XCR1: variants seen among roughly 807,000 people sequenced by gnomAD.
The protein encoded by XCR1 is X-C motif chemokine receptor 1.
For missense variants in XCR1, 356 were observed against 424.2 expected (o/e 0.84, Z 1.41); for synonymous variants, 187 against 188.5 (o/e 0.99, Z 0.06).
At position 46,020,102 on chromosome 3, in the gene XCR1, C is replaced by G. The variant is rs916596907; in HGVS notation, c.*844G>C. 6.6e-6 allele frequency: 1 copy of G among 152,208 alleles called. No homozygotes were observed. Among genetic ancestry groups the G allele is most frequent in the Non-Finnish European group, 1.5e-5 (1 of 68,040 alleles). The allele number at this position is 152,208 out of a possible 1,614,324, so 9.4% of individuals were successfully genotyped here. On this transcript the variant is annotated 3_prime_UTR_variant, in exon 2 of 2. Coordinates refer to ENST00000309285, the MANE Select transcript of XCR1 (RefSeq NM_001024644.2). ...ATAAATGTGAAGTCAGCTCACTATC[C>G]ACCTGGGAAGGATGAGATGTCGGAG...
intron 1 of XCR1, 132 bp from the exon 2 acceptor site, chr3:46,022,110 G>A (rs1433505902): frequency 1.3e-6 from 1 of 763,776 alleles, no homozygotes; most frequent in South Asian, 2.1e-5. Flanking sequence ...GACCATCCCA[G>A]GCAATATAGT....
chr3:46,067,327 G>C (rs1698095739), intron 3 of XCR1, among the ~76,000 whole-genome samples: 1 of 152,218 alleles, frequency 6.6e-6, no homozygotes, highest in Admixed American at 6.5e-5. Flanking sequence ...CTGAATGCCA[G>C]ATCTAGGGGA....
intron 4 of XCR1, among the ~76,000 whole-genome samples, chr3:46,056,336 A>G (rs539134866): frequency 1.3e-5 from 2 of 152,230 alleles, no homozygotes; most frequent in Admixed American, 1.3e-4. Context: ...AGCCACTGCA[A>G]CCAGCCTCAA....
intron 2 of XCR1, among the ~76,000 whole-genome samples, chr3:46,075,518 C>T (rs1698243429): frequency 6.6e-6 from 1 of 151,834 alleles, no homozygotes; most frequent in African/African-American, 2.4e-5. Context: ...AAATATAATA[C>T]ATAAAAGAAA....
chr3:46,037,380 A>G (rs903003802), intron 5 of XCR1, among the ~76,000 whole-genome samples: 1 of 152,122 alleles, frequency 6.6e-6, no homozygotes, highest in Non-Finnish European at 1.5e-5. Flanking sequence ...TTTTGGTGAG[A>G]AAGGTTATAA....
intron 1 of XCR1, among the ~76,000 whole-genome samples, chr3:46,025,455 G>C (rs1055787386): frequency 1.3e-5 from 2 of 152,038 alleles, no homozygotes; most frequent in Admixed American, 1.3e-4. Context: ...AAAAATTGAT[G>C]AAGCCTTATC....
chr3:46,073,446 G>A (rs958072378), intron 3 of XCR1, among the ~76,000 whole-genome samples: 4 of 152,050 alleles, frequency 2.6e-5, no homozygotes, highest in African/African-American at 9.7e-5. Flanking sequence ...ATATTAGCTG[G>A]GCATGGTGGC....
chr3:46,053,582 A>G (rs7426702), intron 5 of XCR1, among the ~76,000 whole-genome samples: 13,650 of 152,096 alleles, frequency 0.09, 2,084 homozygotes, highest in African/African-American at 0.31. Flanking sequence ...TGGCAGAAGT[A>G]CAGTACGAAC....
At position 46,020,719 on chromosome 3, in the gene XCR1, G is replaced by GT. The variant is rs993255660; in HGVS notation, c.*226dup. 14 of 591,200 alleles carry GT rather than the reference G, an allele frequency of 2.4e-5. No homozygotes were observed. The highest frequency in any genetic ancestry group is 1.7e-4 in the African/African-American group (9 of 53,848). 36.6% of individuals were successfully genotyped at this position (591,200 alleles called of 1,614,324 possible). On this transcript the variant is annotated 3_prime_UTR_variant, in exon 2 of 2. Transcript: ENST00000309285. The stretch of plus-strand genomic sequence containing the variant: ...AAGATGAACTCAGAGTTCAAGAAAT[G>GT]TTTTTTTGGATGGCAGTATAAAATT...
intron 4 of XCR1, among the ~76,000 whole-genome samples, chr3:46,064,952 G>A (rs1258552693): frequency 6.6e-6 from 1 of 152,132 alleles, no homozygotes; most frequent in East Asian, 1.9e-4. Flanking sequence ...TTAGCCGGGT[G>A]TGGTGGCGCA....
chr3:46,070,113 A>G lies in XCR1; in HGVS notation c.-262-3135T>C, dbSNP rs542862613. ...ATAGTTTCCAGAGTTCTTGTTATTGATTTCTAGTTTTATTCCACTATGATC... is the reference window on the plus strand; with the variant it reads ...ATAGTTTCCAGAGTTCTTGTTATTGGTTTCTAGTTTTATTCCACTATGATC... On this transcript the variant is annotated intron_variant, in intron 3 of 5. Transcript: ENST00000683768. Among the ~76,000 whole-genome samples, 3 of 152,006 alleles carry G rather than the reference A, an allele frequency of 2.0e-5. No homozygotes were observed. The South Asian group carries it at 6.2e-4, about 32-fold the overall frequency.
chr3:46,079,053 G>A (rs73830726), intron 1 of XCR1, among the ~76,000 whole-genome samples: 1,936 of 152,270 alleles, frequency 0.013, 51 homozygotes, highest in African/African-American at 0.043. Context: ...ACACCTAGAG[G>A]AGCAGTGCTC....
chr3:46,028,389 G>T (rs1426016019), upstream of XCR1, among the ~76,000 whole-genome samples: 1 of 151,708 alleles, frequency 6.6e-6, no homozygotes, highest in Non-Finnish European at 1.5e-5. Flanking sequence ...CTTTGTAGAA[G>T]TGTCTATTCA....
intron 1 of XCR1, among the ~76,000 whole-genome samples, chr3:46,080,452 C>T (rs1391833825): frequency 1.3e-5 from 2 of 152,150 alleles, no homozygotes; most frequent in African/African-American, 4.8e-5. Flanking sequence ...ATCCCAGCTA[C>T]TTGGGAGGCT....
chr3:46,038,971 T>G (rs1697485967), intron 5 of XCR1, among the ~76,000 whole-genome samples: 1 of 151,828 alleles, frequency 6.6e-6, no homozygotes, highest in Non-Finnish European at 1.5e-5. Context: ...TTCACTTTGA[T>G]TAAGTGGTTA....
chr3:46,017,924 TG>T lies in XCR1; in HGVS notation c.*3021del. On this transcript the variant is annotated 3_prime_UTR_variant, in exon 2 of 2. Transcript: ENST00000309285. ...AGGAGGTGGTGGCCAGTGGAGGTTG[TG>T]GTCAGGGACAGACAGCGTGGCTCAT... The T allele has an allele frequency of 6.6e-6, 1 of 152,620 alleles. No individual in the cohort carries two copies. The allele number at this position is 152,620 out of a possible 1,614,324, so 9.5% of individuals were successfully genotyped here. A position where few individuals can be genotyped will look rare whatever the true frequency, so the allele number is the denominator to read the frequency against.
chr3:46,020,689 C>G lies in XCR1; in HGVS notation c.*257G>C, dbSNP rs1322146316. ...AGAAACACATGTCTAAATGAAGGAG[C>G]GTGCAAGATGAACTCAGAGTTCAAG... On this transcript the variant is annotated 3_prime_UTR_variant, in exon 2 of 2. Transcript: ENST00000309285. 2 of 533,048 alleles carry G rather than the reference C, an allele frequency of 3.8e-6. No individual in the cohort carries two copies. Among genetic ancestry groups the G allele is most frequent in the East Asian group, 3.1e-5 (1 of 31,920 alleles). The allele number at this position is 533,048 out of a possible 1,614,324, so 33.0% of individuals were successfully genotyped here. A position where few individuals can be genotyped will look rare whatever the true frequency, so the allele number is the denominator to read the frequency against.
At chr3:46,079,737 G>T (rs1421990096) in intron 1 of XCR1, among the ~76,000 whole-genome samples, 2 of 152,100 alleles carry the variant, frequency 1.3e-5, no homozygotes, top group African/African-American at 4.8e-5. Flanking sequence ...TATTATAAAA[G>T]ACTTCCCTGA....
chr3:46,081,450 C>T, intron 1 of XCR1, among the ~76,000 whole-genome samples: 1 of 152,186 alleles, frequency 6.6e-6, no homozygotes. Flanking sequence ...TCCATTACTG[C>T]CACAGTCTCA....
Sources: allele counts gnomAD v4.1 joint callset (sites outside exome capture counted in the v4.1 genomes callset), GRCh38; gene constraint gnomAD v4.1.1; transcripts MANE v1.5; gene names NCBI Gene and HGNC (gene_info 2026-07-23, HGNC 2026-07-21).